The following CIMIP3 variants were observed in gnomAD, a reference collection of about 807,000 sequenced individuals.
CIMIP3 encodes GUCA1A neighbor.
chr6:42,157,569 T>A, the CIMIP3 span, among the ~76,000 whole-genome samples: 1 of 151,528 alleles, frequency 6.6e-6, no homozygotes, highest in Non-Finnish European at 1.5e-5. Context: ...TTTTTTTTTT[T>A]AATAGAGATG....
At chr6:42,156,789 G>T in the CIMIP3 span, among the ~76,000 whole-genome samples, 562 of 152,292 alleles carry the variant, frequency 3.7e-3, 4 homozygotes, top group African/African-American at 0.013. Context: ...CTTGCCCAAG[G>T]TCGCCTGACC....
At chr6:42,161,490 A>G in the CIMIP3 span, among the ~76,000 whole-genome samples, 1 of 152,198 alleles carries the variant, frequency 6.6e-6, no homozygotes. Context: ...TAAAATGTAC[A>G]GCTGGTACCT....
At chr6:42,155,425 T>A in the CIMIP3 span, 1 of 658,376 alleles carries the variant, frequency 1.5e-6, no homozygotes, top group Non-Finnish European at 2.8e-6. Context: ...CCAAGAGTCC[T>A]CCCTGACCAC....
chr6:42,160,595 A>G, the CIMIP3 span, among the ~76,000 whole-genome samples: 3 of 152,170 alleles, frequency 2.0e-5, no homozygotes, highest in Non-Finnish European at 4.4e-5. Flanking sequence ...CTGAATGACA[A>G]CTTCTTCAAA....
At chr6:42,160,731 G>T in the CIMIP3 span, among the ~76,000 whole-genome samples, 1 of 152,206 alleles carries the variant, frequency 6.6e-6, no homozygotes, top group African/African-American at 2.4e-5. Context: ...CCTGGAGAAG[G>T]TTTCAAGTCT....
chr6:42,159,353 C>T, the CIMIP3 span, among the ~76,000 whole-genome samples: 4 of 152,186 alleles, frequency 2.6e-5, no homozygotes, highest in African/African-American at 4.8e-5. Flanking sequence ...CTCTTGTGCT[C>T]AGTCGTGGTG....
At chr6:42,156,007 AT>A in the CIMIP3 span, among the ~76,000 whole-genome samples, 12 of 149,680 alleles carry the variant, frequency 8.0e-5, no homozygotes, top group Admixed American at 2.7e-4. Context: ...AATTCTATTT[AT>A]TTTTTTTTTG....
At chr6:42,155,674 C>T in the CIMIP3 span, 2 of 716,052 alleles carry the variant, frequency 2.8e-6, no homozygotes, top group South Asian at 3.0e-5. Flanking sequence ...TGTCGGACCT[C>T]TGCGATCTCT....
chr6:42,160,074 C>T, the CIMIP3 span, among the ~76,000 whole-genome samples: 1 of 152,140 alleles, frequency 6.6e-6, no homozygotes, highest in Admixed American at 6.5e-5. Flanking sequence ...CAGCCTCGAC[C>T]TCCTGGGTTC....
chr6:42,156,007 A>T, the CIMIP3 span, among the ~76,000 whole-genome samples: 6 of 149,734 alleles, frequency 4.0e-5, no homozygotes, highest in East Asian at 1.9e-4. Flanking sequence ...AATTCTATTT[A>T]TTTTTTTTTT....
chr6:42,162,849 C>G, the CIMIP3 span: 1 of 585,548 alleles, frequency 1.7e-6, no homozygotes, highest in Non-Finnish European at 3.1e-6. Context: ...CTCCTCCCTT[C>G]TGCCCCTGGC....
the CIMIP3 span, among the ~76,000 whole-genome samples, chr6:42,158,144 G>A: frequency 0.024 from 3,712 of 152,304 alleles, 174 homozygotes; most frequent in African/African-American, 0.084. Flanking sequence ...CACACTTGAC[G>A]AGGAGCATGT....
At chr6:42,160,855 G>T in the CIMIP3 span, among the ~76,000 whole-genome samples, 1 of 152,362 alleles carries the variant, frequency 6.6e-6, no homozygotes, top group Non-Finnish European at 1.5e-5. Flanking sequence ...TTGGAGGAAA[G>T]CCCTGGACAA....
chr6:42,157,231 A>G, the CIMIP3 span, among the ~76,000 whole-genome samples: 1 of 152,038 alleles, frequency 6.6e-6, no homozygotes, highest in Admixed American at 6.6e-5. Flanking sequence ...GGGGGTTATG[A>G]AGGGATATTT....
chr6:42,162,807 T>G, the CIMIP3 span: 1 of 533,234 alleles, frequency 1.9e-6, no homozygotes. Flanking sequence ...TGCTCCAGAG[T>G]GGCTCTGGGG....
chr6:42,158,509 T>C, the CIMIP3 span, among the ~76,000 whole-genome samples: 1 of 152,140 alleles, frequency 6.6e-6, no homozygotes, highest in Non-Finnish European at 1.5e-5. Flanking sequence ...AGCCGAGGTG[T>C]GGACCCAGGG....
chr6:42,155,481 G>A, the CIMIP3 span: 1 of 712,090 alleles, frequency 1.4e-6, no homozygotes, highest in African/African-American at 1.7e-5. Context: ...TCCAGGATGT[G>A]CAAGGTGTGA....
the CIMIP3 span, among the ~76,000 whole-genome samples, chr6:42,156,248 G>A: frequency 6.6e-6 from 1 of 151,490 alleles, no homozygotes; most frequent in Non-Finnish European, 1.5e-5. Flanking sequence ...CTCCTGCCTC[G>A]GCCTCCCAAA....
chr6:42,162,007 G>C, the CIMIP3 span, among the ~76,000 whole-genome samples: 1 of 151,038 alleles, frequency 6.6e-6, no homozygotes, highest in Non-Finnish European at 1.5e-5. Context: ...TACCGGATGT[G>C]AGCAGGGAAC....
Sources: allele counts gnomAD v4.1 joint callset (sites outside exome capture counted in the v4.1 genomes callset), GRCh38; gene constraint gnomAD v4.1.1; transcripts MANE v1.5; gene names NCBI Gene and HGNC (gene_info 2026-07-23, HGNC 2026-07-21).